Variants in SLC6A5 observed in about 807,000 individuals in gnomAD.
SLC6A5 encodes sodium- and chloride-dependent glycine transporter 2.
A neutral mutation model predicts 90.5 loss-of-function variants in SLC6A5; 58 were observed. The ratio of observed to expected loss-of-function variants is 0.64; its 90% CI spans 0.52 to 0.80. The LOEUF (loss-of-function observed/expected upper bound fraction) is 0.80, where lower values mean the gene tolerates loss of function less well. Ranked by LOEUF, SLC6A5 falls within the 30% of genes least tolerant of loss-of-function variation. The pLI, the probability that SLC6A5 is intolerant of heterozygous loss-of-function variation, is 0.00. For synonymous variants in SLC6A5, 427 were observed against 401.4 expected (o/e 1.06, Z -0.76); for missense variants, 1,015 against 1,017.6 (o/e 1.00, Z 0.03).
At chr11:20,607,716 A>AT in intron 5 of SLC6A5, 64 bp downstream of exon 5, 1 of 1,318,220 alleles carries the variant, frequency 7.6e-7, no homozygotes, top group Non-Finnish European at 1.1e-6. Flanking sequence ...TCAGCAAAAT[A>AT]ATTGAACATA....
chr11:20,627,063 T>C (rs1376930034), intron 8 of SLC6A5, among the ~76,000 whole-genome samples: 2 of 152,172 alleles, frequency 1.3e-5, no homozygotes, highest in Non-Finnish European at 1.5e-5. Context: ...GGGGTTATAG[T>C]AGAGGCCGAA....
At position 20,622,352 on chromosome 11, in the gene SLC6A5, C is replaced by T. The variant is rs536410801; in HGVS notation, c.1261-4356C>T. Among the ~76,000 whole-genome samples, 48 of 152,306 alleles carry T rather than the reference C, an allele frequency of 3.2e-4. 1 individual carries two copies. In the Middle Eastern group the frequency reaches 0.01, roughly 32 times the overall value. On this transcript the variant is annotated intron_variant, in intron 7 of 15. Transcript: ENST00000525748. ...GTGCCTAGTGTGCAAAATTGAGAGG[C>T]GCTCACTCTCAGGTTCCTGAAGTGC...
intron 7 of SLC6A5, 54 bp downstream of exon 7, chr11:20,617,938 C>T (rs559921771): frequency 3.2e-6 from 5 of 1,573,820 alleles, no homozygotes; most frequent in Non-Finnish European, 3.5e-6. Flanking sequence ...GGGGCGGTTG[C>T]TTTGGGGAGC....
In SLC6A5 at chr11:20,626,976, T is replaced by G. The variant is rs529006297; in HGVS notation, c.1395+134T>G. The G allele has an allele frequency of 5.5e-6, 4 of 726,778 alleles. No homozygotes were observed. The East Asian group carries it at 7.7e-5, about 14-fold the overall frequency. 45.0% of individuals were successfully genotyped at this position (726,778 alleles called of 1,614,324 possible). On this transcript the variant is annotated intron_variant, in intron 8 of 15. Transcript: ENST00000525748. ...ATAAGAGCCTGATGATCTTGGTACA[T>G]TATGCACTCAGGAAATATTTAATGA... is the stretch of plus-strand genomic sequence containing the variant.
chr11:20,623,018 T>A (rs185027398), intron 7 of SLC6A5, among the ~76,000 whole-genome samples: 3 of 152,280 alleles, frequency 2.0e-5, no homozygotes, highest in Non-Finnish European at 4.4e-5. Context: ...GGGCTTCACT[T>A]CTCCTTAGAC....
chr11:20,600,017 C>A (rs1322958113), intron 1 of SLC6A5, among the ~76,000 whole-genome samples: 1 of 152,052 alleles, frequency 6.6e-6, no homozygotes, highest in Non-Finnish European at 1.5e-5. Context: ...GCCGAGGTAC[C>A]TAGATTTGTG....
intron 13 of SLC6A5, among the ~76,000 whole-genome samples, chr11:20,643,053 C>T (rs1853343576): frequency 1.3e-5 from 2 of 152,202 alleles, no homozygotes; most frequent in South Asian, 4.1e-4. Context: ...ACCATGACCC[C>T]CTCCTCTTAC....
intron 13 of SLC6A5, among the ~76,000 whole-genome samples, chr11:20,638,979 G>T (rs879757907): frequency 1.3e-5 from 2 of 152,136 alleles, no homozygotes; most frequent in Non-Finnish European, 2.9e-5. Flanking sequence ...ACTGTAGTGA[G>T]AACAGAGACC....
intron 6 of SLC6A5, among the ~76,000 whole-genome samples, chr11:20,615,243 A>C (rs1238601102): frequency 1.3e-5 from 2 of 152,092 alleles, no homozygotes; most frequent in Non-Finnish European, 2.9e-5. Context: ...GCTTTGCCTT[A>C]GTTTTGTATT....
chr11:20,647,176 C>T (rs1005147512), intron 14 of SLC6A5, among the ~76,000 whole-genome samples: 17 of 149,012 alleles, frequency 1.1e-4, no homozygotes, highest in African/African-American at 3.0e-4. Flanking sequence ...CTTTGGAGAA[C>T]ATTTCCTATG....
intron 7 of SLC6A5, among the ~76,000 whole-genome samples, chr11:20,619,306 A>G (rs1485840745): frequency 5.9e-5 from 9 of 152,250 alleles, no homozygotes; most frequent in Non-Finnish European, 1.3e-4. Context: ...TCTATTAGCC[A>G]CATAGACCGA....
At chr11:20,645,909 A>G (rs1004803285) in intron 13 of SLC6A5, among the ~76,000 whole-genome samples, 5 of 152,178 alleles carry the variant, frequency 3.3e-5, no homozygotes, top group Admixed American at 2.0e-4. Context: ...TGCTGGGATT[A>G]CAGGCATGAG....
intron 5 of SLC6A5, 30 bp from the exon 6 acceptor site, chr11:20,614,649 T>G: frequency 1.9e-6 from 3 of 1,604,506 alleles, no homozygotes; most frequent in Non-Finnish European, 2.6e-6. Context: ...CAGATTTAAC[T>G]GTGTTTCTAT....
At chr11:20,639,640 G>C (rs1437439366) in intron 13 of SLC6A5, among the ~76,000 whole-genome samples, 3 of 152,100 alleles carry the variant, frequency 2.0e-5, no homozygotes, top group Non-Finnish European at 4.4e-5. Flanking sequence ...GTAATTGTTA[G>C]CCTCCACCGA....
rs2133771636 is a variant in SLC6A5, at chr11:20,604,431, C to A, written c.679+7C>A. On this transcript the variant is annotated splice_region_variant and intron_variant, in intron 3 of 15. Coordinates refer to ENST00000525748, the MANE Select transcript of SLC6A5 (RefSeq NM_004211.5). The stretch of plus-strand genomic sequence containing the variant: ...GCCTTCCAGAACGGGGGAGGTATGG[C>A]TTTTCCGCTCTTTCCGCCTGCGGCG... 1 of 1,612,868 alleles carries A rather than the reference C, an allele frequency of 6.2e-7. No individual in the cohort carries two copies. The highest frequency in any genetic ancestry group is 8.5e-7 in the Non-Finnish European group (1 of 1,179,558).
At chr11:20,634,138 G>A (rs147155148) in intron 10 of SLC6A5, among the ~76,000 whole-genome samples, 6,504 of 152,200 alleles carry the variant, frequency 0.043, 474 homozygotes, top group African/African-American at 0.15. Flanking sequence ...CCAAAGTGTG[G>A]GGATTACAGG....
intron 2 of SLC6A5, among the ~76,000 whole-genome samples, chr11:20,602,136 G>A (rs1054770115): frequency 6.6e-6 from 1 of 152,238 alleles, no homozygotes; most frequent in Non-Finnish European, 1.5e-5. Context: ...TACACTGCCA[G>A]TTACCTTTAT....
intron 10 of SLC6A5, among the ~76,000 whole-genome samples, chr11:20,634,530 A>T (rs1853166768): frequency 1.3e-5 from 2 of 152,196 alleles, no homozygotes; most frequent in Admixed American, 6.5e-5. Flanking sequence ...GCCATTCAAG[A>T]TCTTCTTGTC....
rs184238856 is a variant in SLC6A5 at position 20,629,869 on chromosome 11, T to C, written c.1500-822T>C. Among the ~76,000 whole-genome samples, 497 of 152,044 alleles carry C rather than the reference T, an allele frequency of 3.3e-3. 2 individuals are homozygous for C. The highest frequency in any genetic ancestry group is 4.2e-3 in the Non-Finnish European group (285 of 67,986). On this transcript the variant is annotated intron_variant, in intron 9 of 15. Transcript: ENST00000525748. Reference sequence around the variant, plus strand: ...CTGGGATTGCGGGCATGTGCCACCATGCCCCGCTAATTTTTTTTTTTGTGT... The same window carrying C: ...CTGGGATTGCGGGCATGTGCCACCACGCCCCGCTAATTTTTTTTTTTGTGT...
Sources: gnomAD v4.1 joint callset for allele counts (sites outside exome capture counted in the v4.1 genomes callset) on GRCh38, gnomAD v4.1.1 for gene constraint, MANE v1.5 for transcripts, NCBI Gene and HGNC (gene_info 2026-07-23, HGNC 2026-07-21) for gene names.